The following SLC9A7 variants were observed in gnomAD, a reference collection of about 807,000 sequenced individuals.
SLC9A7 encodes sodium/hydrogen exchanger 7.
SLC9A7 carries 19 observed loss-of-function variants against 52.6 expected under a neutral mutation model. The ratio of observed to expected loss-of-function variants is 0.36; its 90% confidence interval spans 0.25 to 0.53. The LOEUF (loss-of-function observed/expected upper bound fraction) is 0.53. Ranked by LOEUF, SLC9A7 falls within the 20% of genes least tolerant of loss-of-function variation. The pLI is 0.91. For missense variants in SLC9A7, 455 were observed against 597.9 expected (o/e 0.76, Z 2.49); for synonymous variants, 226 against 252.1 (o/e 0.90, Z 0.98).
intron 6 of SLC9A7, 58 bp from the exon 7 acceptor site, chrX:46,662,215 A>G (rs1226680999): frequency 9.4e-7 from 1 of 1,059,634 alleles, no homozygotes; most frequent in Non-Finnish European, 1.3e-6. Flanking sequence ...ACACTATGGT[A>G]CTTGAAAATA....
intron 14 of SLC9A7, among the ~76,000 whole-genome samples, chrX:46,625,740 T>C (rs1279666950): frequency 1.1e-5 from 1 of 95,129 alleles, no homozygotes; most frequent in African/African-American, 4.0e-5. Flanking sequence ...AAAAAGGACA[T>C]GGAGGGCAAA....
chrX:46,682,904 C>T (rs187288690), intron 1 of SLC9A7, among the ~76,000 whole-genome samples: 154 of 108,386 alleles, frequency 1.4e-3, no homozygotes, highest in African/African-American at 4.9e-3. Context: ...AGCAATTCTC[C>T]TGCCTCAGCC....
intron 1 of SLC9A7, among the ~76,000 whole-genome samples, chrX:46,730,670 T>TATATATATATA (rs1491295251): frequency 7.0e-5 from 3 of 42,917 alleles, no homozygotes; most frequent in African/African-American, 1.9e-4. Flanking sequence ...AAAAAAAAAA[T>TATATATATATA]TATATATATA....
At chrX:46,712,049 G>T (rs7055107) in intron 1 of SLC9A7, among the ~76,000 whole-genome samples, 48,899 of 109,749 alleles carry the variant, frequency 0.45, 8,356 homozygotes, top group Non-Finnish European at 0.54. Context: ...CCTTCTAAAA[G>T]TCTATTATGA....
rs1415113742 is a variant in SLC9A7, at chrX:46,602,371, C to A, written c.*4581G>T. ...GACTAACAATTTAAAAAAACACCTT[C>A]ATCTGCTGGGCCATTCTTTAAAATC... On this transcript the variant is annotated 3_prime_UTR_variant, in exon 17 of 17. Coordinates refer to ENST00000616978, the MANE Select transcript of SLC9A7 (RefSeq NM_001257291.2). 9 of 111,998 alleles carry A rather than the reference C, an allele frequency of 8.0e-5. No homozygotes were observed. Among genetic ancestry groups the A allele is most frequent in the Non-Finnish European group, 1.5e-4 (8 of 53,234 alleles). 9.2% of individuals were successfully genotyped at this position (111,998 alleles called of 1,213,427 possible).
chrX:46,735,988 T>A (rs897111624), intron 1 of SLC9A7, among the ~76,000 whole-genome samples: 2 of 111,880 alleles, frequency 1.8e-5, no homozygotes, highest in African/African-American at 6.5e-5. Context: ...TTGGTATTTA[T>A]CTTGCTTGGT....
chrX:46,613,450 A>C, intron 15 of SLC9A7, 56 bp from the exon 16 acceptor site: 2 of 902,407 alleles, frequency 2.2e-6, no homozygotes, highest in Non-Finnish European at 3.1e-6. Context: ...ACACAACAAA[A>C]TGTGCTTAAA....
intron 1 of SLC9A7, among the ~76,000 whole-genome samples, chrX:46,755,910 C>T (rs1299498028): frequency 9.2e-6 from 1 of 108,645 alleles, no homozygotes; most frequent in Non-Finnish European, 1.9e-5. Flanking sequence ...ATTTCACAGC[C>T]ATCTAGTTCC....
At chrX:46,678,033 T>C (rs1459664067) in intron 3 of SLC9A7, among the ~76,000 whole-genome samples, 2 of 112,227 alleles carry the variant, frequency 1.8e-5, no homozygotes, top group Admixed American at 9.5e-5. Flanking sequence ...GTCAAACTTA[T>C]TGGCACAAAA....
chrX:46,636,317 G>C (rs1207011969), intron 12 of SLC9A7, among the ~76,000 whole-genome samples: 3 of 110,883 alleles, frequency 2.7e-5, no homozygotes, highest in African/African-American at 9.9e-5. Context: ...TTGGAGCAGG[G>C]TTTCGTAAAC....
At chrX:46,675,045 AAG>A (rs1277212331) in intron 3 of SLC9A7, among the ~76,000 whole-genome samples, 2 of 64,836 alleles carry the variant, frequency 3.1e-5, no homozygotes, top group Non-Finnish European at 7.1e-5. Context: ...GAGAGAGAGA[AAG>A]AGAGAGAGAG....
chrX:46,652,168 A>G (rs1458426587), intron 8 of SLC9A7, among the ~76,000 whole-genome samples: 1 of 111,788 alleles, frequency 8.9e-6, no homozygotes, highest in East Asian at 2.8e-4. Flanking sequence ...TTTTTGAGAC[A>G]AAGTGGATTA....
chrX:46,651,529 A>G (rs1943580940), intron 8 of SLC9A7, 125 bp from the exon 9 acceptor site: 1 of 521,071 alleles, frequency 1.9e-6, no homozygotes, highest in East Asian at 3.7e-5. Context: ...AATATTTTTG[A>G]AACTTTCCTA....
intron 15 of SLC9A7, among the ~76,000 whole-genome samples, chrX:46,613,938 G>A (rs1025601222): frequency 1.8e-5 from 2 of 112,010 alleles, no homozygotes; most frequent in Non-Finnish European, 3.8e-5. Flanking sequence ...AACATGAAAT[G>A]ATTTCAGTAA....
chrX:46,635,162 G>A (rs1943298554), intron 13 of SLC9A7, among the ~76,000 whole-genome samples: 2 of 112,142 alleles, frequency 1.8e-5, no homozygotes, highest in Admixed American at 1.9e-4. Flanking sequence ...CTAAGATGGT[G>A]TAAGCCTTAC....
chrX:46,627,193 G>A (rs1943144273), intron 14 of SLC9A7, among the ~76,000 whole-genome samples: 1 of 110,526 alleles, frequency 9.0e-6, no homozygotes, highest in African/African-American at 3.3e-5. Context: ...ACACACCTGT[G>A]GTCCTAGCTA....
chrX:46,639,591 T>C (rs1233854514), intron 12 of SLC9A7, among the ~76,000 whole-genome samples: 1 of 110,589 alleles, frequency 9.0e-6, no homozygotes, highest in Non-Finnish European at 1.9e-5. Context: ...AATGCTTTCC[T>C]CTTAAGATCA....
chrX:46,626,320 G>A (rs1943127959), intron 14 of SLC9A7, among the ~76,000 whole-genome samples: 1 of 111,729 alleles, frequency 9.0e-6, no homozygotes, highest in South Asian at 3.7e-4. Flanking sequence ...TGTCACCCAG[G>A]CTACAGTGCA....
At chrX:46,654,962 TTTTCTTTCTTTC>T (rs1556095190) in intron 7 of SLC9A7, among the ~76,000 whole-genome samples, 1 of 100,652 alleles carries the variant, frequency 9.9e-6, no homozygotes, top group African/African-American at 3.5e-5. Context: ...GTATTTCTTT[TTTTCTTTCTTTC>T]TTTCTTTCTT....
Sources: allele counts gnomAD v4.1 joint callset (sites outside exome capture counted in the v4.1 genomes callset), GRCh38; gene constraint gnomAD v4.1.1; transcripts MANE v1.5; gene names NCBI Gene and HGNC (gene_info 2026-07-23, HGNC 2026-07-21).